The following SCAPER variants were observed in gnomAD, a reference collection of about 807,000 sequenced individuals.
SCAPER encodes the protein S phase cyclin A-associated protein in the endoplasmic reticulum.
In SCAPER, 98 loss-of-function variants were observed where a neutral mutation model predicts 182.2. That is an observed-to-expected ratio of 0.54 (90% CI 0.46 to 0.64). SCAPER has a LOEUF of 0.64. Among genes scored for constraint, SCAPER ranks in the 30% least tolerant of loss-of-function variants. SCAPER has a pLI of 0.00. For missense variants in SCAPER, 1,432 were observed against 1,690.0 expected (o/e 0.85, Z 2.68); for synonymous variants, 605 against 564.6 (o/e 1.07, Z -1.01).
At chr15:76,848,133 G>A (rs149116135) in intron 4 of SCAPER, among the ~76,000 whole-genome samples, 14 of 148,224 alleles carry the variant, frequency 9.4e-5, no homozygotes, top group Admixed American at 1.3e-4. Flanking sequence ...TCAGCCTCCC[G>A]AGTAGCTGGG....
intron 23 of SCAPER, among the ~76,000 whole-genome samples, chr15:76,545,962 A>T (rs2045246266): frequency 6.6e-6 from 1 of 152,182 alleles, no homozygotes; most frequent in Non-Finnish European, 1.5e-5. Context: ...AAATATTCCC[A>T]GAGCTCACAC....
rs549526786 is a variant in SCAPER, at chr15:76,831,654, A to G, written c.393+10080T>C. ...CCGCACTGGTACACACTCACCCACA[A>G]TGCCCCCGCACCACCACCACAGCAT... On this transcript the variant is annotated intron_variant, in intron 5 of 31. Transcript: ENST00000563290. 9.2e-5 allele frequency among the ~76,000 whole-genome samples: 14 copies of G among 151,352 alleles called. No individual in the cohort carries two copies. The East Asian group carries it at 2.6e-3, about 28-fold the overall frequency.
intron 23 of SCAPER, among the ~76,000 whole-genome samples, chr15:76,521,598 T>C: frequency 6.6e-6 from 1 of 152,180 alleles, no homozygotes; most frequent in East Asian, 1.9e-4. Flanking sequence ...CAATAATACA[T>C]AAATGATATA....
At chr15:76,612,978 G>A (rs559735767) in intron 22 of SCAPER, among the ~76,000 whole-genome samples, 42 of 152,220 alleles carry the variant, frequency 2.8e-4, no homozygotes, top group Admixed American at 1.4e-3. Flanking sequence ...AATCCTAAGC[G>A]AAAAGAATAG....
intron 26 of SCAPER, among the ~76,000 whole-genome samples, chr15:76,413,781 C>A (rs765963146): frequency 6.6e-6 from 1 of 152,180 alleles, no homozygotes; most frequent in East Asian, 1.9e-4. Flanking sequence ...CATCTGGGCC[C>A]ACCCTGTGTT....
intron 2 of SCAPER, among the ~76,000 whole-genome samples, chr15:76,869,050 C>G (rs576328411): frequency 2.0e-5 from 3 of 152,250 alleles, no homozygotes; most frequent in Admixed American, 1.3e-4. Context: ...GCTGGGAAAA[C>G]TGGATAACTT....
chr15:76,771,873 C>T lies in SCAPER; in HGVS notation c.1117G>A (p.Val373Ile), dbSNP rs774083019. The T allele has an allele frequency of 6.2e-7, 1 of 1,613,022 alleles. No homozygotes were observed. Among genetic ancestry groups the T allele is most frequent in the Non-Finnish European group, 8.5e-7 (1 of 1,179,348 alleles). ...NYVRTSEISA[V>I]HIDTECVSVM... ...GAAACACACTCTGTATCAATGTGGA[C>T]AGCAGATATTTCAGAAGTTCGAACA... The change falls in exon 10 of 32, where the codon GTC becomes ATC. Residue 373 changes from valine (V) to isoleucine (I), a missense_variant. By Grantham distance (29) the Val-to-Ile change is conservative. Coordinates refer to ENST00000563290, the MANE Select transcript of SCAPER (RefSeq NM_020843.4).
At chr15:76,803,682 G>A (rs2065941456) in intron 6 of SCAPER, among the ~76,000 whole-genome samples, 2 of 152,198 alleles carry the variant, frequency 1.3e-5, no homozygotes, top group Non-Finnish European at 2.9e-5. Context: ...TCTTCACATG[G>A]TGGAGGGGTA....
chr15:76,443,563 T>A (rs553895551), intron 25 of SCAPER, among the ~76,000 whole-genome samples: 21 of 152,294 alleles, frequency 1.4e-4, no homozygotes, highest in Middle Eastern at 3.4e-3. Flanking sequence ...CAGCAGACCA[T>A]CTACATCAAT....
intron 8 of SCAPER, among the ~76,000 whole-genome samples, chr15:76,794,130 C>CA (rs1213980587): frequency 6.6e-6 from 1 of 152,122 alleles, no homozygotes; most frequent in Non-Finnish European, 1.5e-5. Flanking sequence ...ACTGAAACCC[C>CA]AAAACTGAAG....
chr15:76,718,947 G>C (rs1373548832), intron 17 of SCAPER, among the ~76,000 whole-genome samples: 3 of 152,162 alleles, frequency 2.0e-5, no homozygotes, highest in Non-Finnish European at 2.9e-5. Flanking sequence ...TTACACTGTT[G>C]TTGAGAGTGT....
intron 17 of SCAPER, among the ~76,000 whole-genome samples, chr15:76,719,721 T>C (rs758279874): frequency 2.0e-5 from 3 of 152,142 alleles, no homozygotes; most frequent in Non-Finnish European, 2.9e-5. Flanking sequence ...ATATCTTTAA[T>C]AGTTAATTGT....
intron 8 of SCAPER, among the ~76,000 whole-genome samples, chr15:76,776,850 T>C (rs1037635585): frequency 6.6e-6 from 1 of 152,086 alleles, no homozygotes; most frequent in Non-Finnish European, 1.5e-5. Flanking sequence ...TGTGAGACAA[T>C]ATTTGAGTTA....
chr15:76,358,279 T>C (rs936381414), intron 29 of SCAPER, among the ~76,000 whole-genome samples: 5 of 152,236 alleles, frequency 3.3e-5, no homozygotes, highest in African/African-American at 1.2e-4. Flanking sequence ...GACAAGACCG[T>C]AGGTGCATAG....
chr15:76,729,886 T>G lies in SCAPER; in HGVS notation c.2023-1149A>C, dbSNP rs112634734. On this transcript the variant is annotated intron_variant, in intron 16 of 31. Transcript: ENST00000563290. ...TAACATGTTCCTCATCTTATTGATA[T>G]GTTTCTCTGAATCCATACCCATTCC... is the stretch of plus-strand genomic sequence containing the variant. Among the ~76,000 whole-genome samples, 1,197 of 152,196 alleles carry G rather than the reference T, an allele frequency of 7.9e-3. 11 individuals are homozygous for G. Among genetic ancestry groups the G allele is most frequent in the African/African-American group, 0.027 (1,136 of 41,510 alleles).
chr15:76,783,364 C>T (rs1022441802), intron 8 of SCAPER, among the ~76,000 whole-genome samples: 14 of 152,156 alleles, frequency 9.2e-5, no homozygotes, highest in African/African-American at 2.9e-4. Context: ...AGACCAACAG[C>T]AGGTTCTGAA....
chr15:76,667,141 C>A (rs2056633195), intron 20 of SCAPER, among the ~76,000 whole-genome samples: 1 of 152,112 alleles, frequency 6.6e-6, no homozygotes, highest in East Asian at 1.9e-4. Context: ...CAGCTTTTGC[C>A]CTTACCACCC....
At chr15:76,401,818 G>A (rs1490654026) in intron 27 of SCAPER, among the ~76,000 whole-genome samples, 4 of 152,176 alleles carry the variant, frequency 2.6e-5, no homozygotes, top group African/African-American at 9.7e-5. Flanking sequence ...GAGAAACAGG[G>A]AAGGGAGAAA....
At chr15:76,426,301 A>G (rs927868914) in intron 26 of SCAPER, among the ~76,000 whole-genome samples, 1 of 152,204 alleles carries the variant, frequency 6.6e-6, no homozygotes, top group African/African-American at 2.4e-5. Flanking sequence ...CTCAAGCCTC[A>G]GCAATGGCGG....
Sources: allele counts gnomAD v4.1 joint callset (sites outside exome capture counted in the v4.1 genomes callset), GRCh38; gene constraint gnomAD v4.1.1; transcripts MANE v1.5; gene names NCBI Gene and HGNC (gene_info 2026-07-23, HGNC 2026-07-21).